The following CNTN4 variants were observed in gnomAD, a reference collection of about 807,000 sequenced individuals.
The protein encoded by CNTN4 is contactin 4, also known as contactin-4.
In CNTN4, 77 loss-of-function variants were observed where a neutral mutation model predicts 122.5. That is an observed-to-expected ratio of 0.63 (90% CI 0.52 to 0.76). The LOEUF is 0.76. Ranked by LOEUF, CNTN4 falls within the 30% of genes least tolerant of loss-of-function variation. The pLI is 0.00. For missense variants in CNTN4, 1,256 were observed against 1,259.1 expected (o/e 1.00, Z 0.04); for synonymous variants, 512 against 447.0 (o/e 1.15, Z -1.83).
At chr3:2,485,917 A>G (rs1490208404) in intron 3 of CNTN4, among the ~76,000 whole-genome samples, 1 of 152,138 alleles carries the variant, frequency 6.6e-6, no homozygotes, top group Non-Finnish European at 1.5e-5. Context: ...AAGGGAATAA[A>G]AGCAGGCTGC....
chr3:3,047,080 T>C (rs1700735362), intron 23 of CNTN4, among the ~76,000 whole-genome samples: 1 of 151,090 alleles, frequency 6.6e-6, no homozygotes, highest in Non-Finnish European at 1.5e-5. Flanking sequence ...GAGCTAACTA[T>C]CCTAAAAATA....
chr3:2,659,290 C>T lies in CNTN4; in HGVS notation c.56-76925C>T, dbSNP rs569850881. ...CAGCCTGGCCAACATGGTAAAACCCCGTCTCTACTAAAAATACAAAAATTA... is the reference window on the plus strand; with the variant it reads ...CAGCCTGGCCAACATGGTAAAACCCTGTCTCTACTAAAAATACAAAAATTA... On this transcript the variant is annotated intron_variant, in intron 4 of 24. Transcript: ENST00000418658. Among the ~76,000 whole-genome samples the T allele has an allele frequency of 2.6e-4, 40 of 151,618 alleles. 1 individual carries two copies. Among genetic ancestry groups the T allele is most frequent in the African/African-American group, 9.7e-4 (40 of 41,352 alleles).
chr3:2,473,247 A>C (rs6796323), intron 3 of CNTN4, among the ~76,000 whole-genome samples: 8,573 of 143,870 alleles, frequency 0.06, 338 homozygotes, highest in East Asian at 0.14. Flanking sequence ...AAAAAAAAAA[A>C]AAAAACACCT....
At chr3:2,563,793 G>C (rs896810533) in intron 3 of CNTN4, among the ~76,000 whole-genome samples, 1 of 152,056 alleles carries the variant, frequency 6.6e-6, no homozygotes, top group Non-Finnish European at 1.5e-5. Context: ...ATGATGGACT[G>C]TAAGGTGTGT....
chr3:2,233,647 C>T (rs1329900918), intron 2 of CNTN4, among the ~76,000 whole-genome samples: 1 of 151,948 alleles, frequency 6.6e-6, no homozygotes, highest in Non-Finnish European at 1.5e-5. Context: ...AGTGTCCACC[C>T]CCTCACCCCC....
At position 2,571,239 on chromosome 3, in the gene CNTN4, A is replaced by G. The variant is rs917383281; in HGVS notation, c.-88-177A>G. 9.6e-6 allele frequency: 5 copies of G among 522,356 alleles called. No homozygotes were observed. The African/African-American group carries it at 9.6e-5, about 10-fold the overall frequency. 32.4% of individuals were successfully genotyped at this position (522,356 alleles called of 1,614,324 possible). On this transcript the variant is annotated intron_variant, in intron 3 of 24. Transcript: ENST00000418658. ...AATCCCTGCCCAATTATTATCTGCA[A>G]GAAAAAAATAGGAGTCTTATTAGCT...
At chr3:2,409,577 G>A (rs1289592856) in intron 3 of CNTN4, among the ~76,000 whole-genome samples, 2 of 151,904 alleles carry the variant, frequency 1.3e-5, no homozygotes, top group Non-Finnish European at 2.9e-5. Context: ...TGCTATAGTG[G>A]TTGCATTATA....
intron 3 of CNTN4, among the ~76,000 whole-genome samples, chr3:2,458,186 T>C (rs544309373): frequency 6.6e-6 from 1 of 152,190 alleles, no homozygotes; most frequent in Admixed American, 6.5e-5. Context: ...TGTGCCTACA[T>C]TAATAGTATT....
intron 4 of CNTN4, among the ~76,000 whole-genome samples, chr3:2,717,174 G>A (rs1471619472): frequency 6.6e-6 from 1 of 152,142 alleles, no homozygotes; most frequent in Non-Finnish European, 1.5e-5. Context: ...GAAAAGCCTG[G>A]TTTAAAAGGT....
chr3:2,107,086 C>T (rs1420080170), intron 2 of CNTN4, among the ~76,000 whole-genome samples: 1 of 152,212 alleles, frequency 6.6e-6, no homozygotes, highest in Non-Finnish European at 1.5e-5. Flanking sequence ...TTTCCCACAT[C>T]TTTCTTCTGA....
At chr3:2,378,259 C>T (rs968355412) in intron 3 of CNTN4, among the ~76,000 whole-genome samples, 4 of 152,148 alleles carry the variant, frequency 2.6e-5, no homozygotes, top group African/African-American at 9.7e-5. Context: ...CACAGTTATT[C>T]GGGGATGCAG....
intron 12 of CNTN4, among the ~76,000 whole-genome samples, chr3:2,919,361 A>G (rs75136591): frequency 3.0e-5 from 1 of 33,074 alleles, no homozygotes; most frequent in Non-Finnish European, 7.1e-5. Context: ...CAGAAAAAAA[A>G]AAAAAAAAAA....
chr3:2,244,788 AG>A (rs1364536864), intron 2 of CNTN4, among the ~76,000 whole-genome samples: 1 of 151,956 alleles, frequency 6.6e-6, no homozygotes, highest in Non-Finnish European at 1.5e-5. Context: ...GAGAGGGAAC[AG>A]GGTAAGTCAG....
Position 2,285,140 on chromosome 3 carries a change from G to A in CNTN4, c.-144-54038G>A, listed in dbSNP as rs117822925. 1.8e-3 allele frequency among the ~76,000 whole-genome samples: 270 copies of A among 152,068 alleles called. 5 individuals are homozygous for A. In the East Asian group the frequency reaches 0.05, roughly 28 times the overall value. On this transcript the variant is annotated intron_variant, in intron 2 of 24. Transcript: ENST00000418658. ...AGATGCACTATGGAATTCAAAAATG[G>A]TGGTAACTATTGTCAAACATGTAGA...
At chr3:2,224,062 TA>T (rs2039168094) in intron 2 of CNTN4, among the ~76,000 whole-genome samples, 2 of 152,104 alleles carry the variant, frequency 1.3e-5, no homozygotes, top group South Asian at 4.2e-4. Flanking sequence ...TTGTCTGGAG[TA>T]GCCCTCATAT....
chr3:2,644,901 T>C (rs988967607), intron 4 of CNTN4, among the ~76,000 whole-genome samples: 1 of 150,334 alleles, frequency 6.7e-6, no homozygotes, highest in Non-Finnish European at 1.5e-5. Context: ...TTATTCTGCT[T>C]GTTCCCAAGA....
intron 4 of CNTN4, among the ~76,000 whole-genome samples, chr3:2,647,754 A>G (rs1397982487): frequency 6.6e-6 from 1 of 152,198 alleles, no homozygotes; most frequent in Non-Finnish European, 1.5e-5. Flanking sequence ...TAGGGAAAAG[A>G]ATTTTGTAAA....
At chr3:2,829,027 C>G (rs1576966502) in intron 7 of CNTN4, among the ~76,000 whole-genome samples, 1 of 152,286 alleles carries the variant, frequency 6.6e-6, no homozygotes, top group East Asian at 1.9e-4. Context: ...GCATGAGCCA[C>G]CGTGCCCATC....
chr3:2,914,564 A>G (rs1577251214), intron 12 of CNTN4, among the ~76,000 whole-genome samples: 2 of 152,358 alleles, frequency 1.3e-5, no homozygotes, highest in East Asian at 3.9e-4. Context: ...CTAGAAACAT[A>G]CAACTGCTTA....
Sources: gnomAD v4.1 joint callset for allele counts (sites outside exome capture counted in the v4.1 genomes callset) on GRCh38, gnomAD v4.1.1 for gene constraint, MANE v1.5 for transcripts, NCBI Gene and HGNC (gene_info 2026-07-23, HGNC 2026-07-21) for gene names.